Variants in PCDHA4 observed in about 807,000 individuals in gnomAD.
The protein encoded by PCDHA4 is protocadherin alpha 4.
In PCDHA4, 49 loss-of-function variants were observed where a neutral mutation model predicts 61.4. The ratio of observed to expected loss-of-function variants is 0.80; its 90% confidence interval spans 0.63 to 1.01. PCDHA4 has a LOEUF of 1.01. PCDHA4 is among the 50% of genes least tolerant of loss of function. The pLI, the probability that PCDHA4 is intolerant of heterozygous loss-of-function variation, is 0.00. For missense variants in PCDHA4, 1,254 were observed against 1,235.8 expected (o/e 1.01, Z -0.22); for synonymous variants, 590 against 550.3 (o/e 1.07, Z -1.01).
chr5:140,849,028 T>G lies in PCDHA4; in HGVS notation c.2385+39456T>G, dbSNP rs2040749628. 5.1e-6 allele frequency: 8 copies of G among 1,583,910 alleles called. No homozygotes were observed. The highest frequency in any genetic ancestry group is 1.4e-5 in the African/African-American group (1 of 70,832). Reference sequence around the variant, plus strand: ...TACAGACTGAGCCCCAATGAGTATTTCTTCCTGGACGTGCCAACCAGCAAC... The same window carrying G: ...TACAGACTGAGCCCCAATGAGTATTGCTTCCTGGACGTGCCAACCAGCAAC... On this transcript the variant is annotated intron_variant, in intron 1 of 3. Transcript: ENST00000530339.
At chr5:141,004,367 T>C (rs1281168288) in intron 3 of PCDHA4, among the ~76,000 whole-genome samples, 5 of 152,198 alleles carry the variant, frequency 3.3e-5, no homozygotes, top group Non-Finnish European at 5.9e-5. Context: ...CCACACCTTG[T>C]TCTGCTCTGC....
chr5:140,902,211 T>C (rs1256912603), intron 1 of PCDHA4, among the ~76,000 whole-genome samples: 4 of 150,332 alleles, frequency 2.7e-5, no homozygotes, highest in African/African-American at 9.8e-5. Context: ...TTCTTTTTTT[T>C]TTTTTTTTTT....
At chr5:140,873,752 C>T (rs2054472285) in intron 1 of PCDHA4, among the ~76,000 whole-genome samples, 1 of 152,154 alleles carries the variant, frequency 6.6e-6, no homozygotes, top group Non-Finnish European at 1.5e-5. Flanking sequence ...TCTCCACCTC[C>T]CATGTTCAAG....
At chr5:140,968,626 T>C in intron 1 of PCDHA4, 1 of 1,614,156 alleles carries the variant, frequency 6.2e-7, no homozygotes. Context: ...ATGCTTGGCT[T>C]TTTTACCATC....
intron 1 of PCDHA4, chr5:140,857,682 G>T (rs1554150517): frequency 2.5e-6 from 4 of 1,596,980 alleles, no homozygotes; most frequent in Middle Eastern, 1.8e-4. Context: ...CCGCCTCTGG[G>T]CAGCAACTTG....
At chr5:140,829,720 G>T (rs2150173361) in intron 1 of PCDHA4, 2 of 1,613,502 alleles carry the variant, frequency 1.2e-6, no homozygotes, top group East Asian at 2.2e-5. Context: ...CGGGCGTGCC[G>T]CCTCTGGGCA....
intron 1 of PCDHA4, among the ~76,000 whole-genome samples, chr5:140,908,279 G>T (rs2073895272): frequency 6.6e-6 from 1 of 151,782 alleles, no homozygotes; most frequent in South Asian, 2.1e-4. Flanking sequence ...TGAGGCCATT[G>T]TTGCAAGCTG....
intron 1 of PCDHA4, chr5:140,856,221 T>C (rs2043861898): frequency 1.9e-6 from 3 of 1,597,980 alleles, no homozygotes; most frequent in Non-Finnish European, 2.6e-6. Flanking sequence ...CTGGCGGAGC[T>C]GGTGCAGCGC....
intron 1 of PCDHA4, among the ~76,000 whole-genome samples, chr5:140,827,455 G>A (rs1173734499): frequency 3.3e-5 from 5 of 152,188 alleles, no homozygotes; most frequent in African/African-American, 7.2e-5. Flanking sequence ...AGAACCTTAA[G>A]AGCATCTGAT....
rs2150499479 is a variant in PCDHA4 at position 140,850,817 on chromosome 5, G to A, written c.2385+41245G>A. 3 of 1,598,296 alleles carry A rather than the reference G, an allele frequency of 1.9e-6. 1 individual carries two copies. The highest frequency in any genetic ancestry group is 2.6e-6 in the Non-Finnish European group (3 of 1,167,646). On this transcript the variant is annotated intron_variant, in intron 1 of 3. Transcript: ENST00000530339. ...AGACCGACCTCATGGCCTTCAGCCC[G>A]GGCCTTTCTCCTTGTGCTGGATCTA... is the stretch of plus-strand genomic sequence containing the variant.
intron 3 of PCDHA4, among the ~76,000 whole-genome samples, chr5:141,002,136 G>C (rs2153972972): frequency 6.6e-6 from 1 of 152,374 alleles, no homozygotes; most frequent in East Asian, 1.9e-4. Flanking sequence ...GCCTTTGCCG[G>C]CTGCACTGAC....
intron 1 of PCDHA4, chr5:140,857,235 T>C: frequency 6.3e-7 from 1 of 1,598,634 alleles, no homozygotes; most frequent in Non-Finnish European, 8.6e-7. Context: ...CCGTTCAAGC[T>C]GGTGTCCACC....
intron 3 of PCDHA4, among the ~76,000 whole-genome samples, chr5:141,006,369 G>A (rs2098270445): frequency 1.3e-5 from 2 of 151,784 alleles, no homozygotes; most frequent in Admixed American, 6.6e-5. Context: ...CCACCACCAC[G>A]CCCGGCTAAG....
At chr5:140,960,267 C>T (rs1182915204) in intron 1 of PCDHA4, among the ~76,000 whole-genome samples, 3 of 152,266 alleles carry the variant, frequency 2.0e-5, no homozygotes, top group South Asian at 2.1e-4. Flanking sequence ...CTGATAAATT[C>T]CGTCACCTTT....
At chr5:140,877,274 C>G (rs781933102) in intron 1 of PCDHA4, 1 of 1,613,856 alleles carries the variant, frequency 6.2e-7, no homozygotes, top group South Asian at 1.1e-5. Context: ...GACGCTGACT[C>G]CGGCTATAAC....
At chr5:140,821,863 C>T (rs1268753327) in intron 1 of PCDHA4, 1 of 1,614,110 alleles carries the variant, frequency 6.2e-7, no homozygotes, top group African/African-American at 1.3e-5. Context: ...GAGCGGCCAG[C>T]TCCACTACTC....
At chr5:140,938,055 T>C (rs1475337267) in intron 1 of PCDHA4, among the ~76,000 whole-genome samples, 1 of 152,232 alleles carries the variant, frequency 6.6e-6, no homozygotes, top group African/African-American at 2.4e-5. Flanking sequence ...TTTCTACATA[T>C]ACTGTCATGC....
intron 1 of PCDHA4, chr5:140,883,880 C>G: frequency 1.2e-6 from 2 of 1,613,304 alleles, no homozygotes; most frequent in Non-Finnish European, 1.7e-6. Context: ...GGTGAGCGCG[C>G]GCGACTCTGG....
In PCDHA4 at chr5:140,875,325, G is replaced by C. The variant is rs1293166061; in HGVS notation, c.2385+65753G>C. 3 of 1,427,764 alleles carry C rather than the reference G, an allele frequency of 2.1e-6. No homozygotes were observed. The African/African-American group carries it at 4.3e-5, about 21-fold the overall frequency. 88.4% of individuals were successfully genotyped at this position (1,427,764 alleles called of 1,614,324 possible). A position where few individuals can be genotyped will look rare whatever the true frequency, so the allele number is the denominator to read the frequency against. On this transcript the variant is annotated intron_variant, in intron 1 of 3. Coordinates refer to ENST00000530339, the MANE Select transcript of PCDHA4 (RefSeq NM_018907.4). ...CCGCACCCACATTCCAATCATTCAC[G>C]GAATAGGATCGACTCCATAATGACT...
Sources: gnomAD v4.1 joint callset for allele counts (sites outside exome capture counted in the v4.1 genomes callset) on GRCh38, gnomAD v4.1.1 for gene constraint, MANE v1.5 for transcripts, NCBI Gene and HGNC (gene_info 2026-07-23, HGNC 2026-07-21) for gene names.